MAF: variants seen among roughly 807,000 people sequenced by gnomAD.
MAF encodes transcription factor Maf.
Under a neutral mutation model 22.0 loss-of-function variants are expected in MAF, and 10 were observed. The observed-to-expected ratio is 0.45, with a 90% confidence interval of 0.28 to 0.77. The LOEUF is 0.77. Ranked by LOEUF, MAF falls within the 30% of genes least tolerant of loss-of-function variation. The pLI is 0.12. For missense variants in MAF, 544 were observed against 548.4 expected (o/e 0.99, Z 0.08); for synonymous variants, 337 against 255.8 (o/e 1.32, Z -3.03).
chr16:79,372,709 G>C, the MAF span, among the ~76,000 whole-genome samples: 2 of 152,184 alleles, frequency 1.3e-5, no homozygotes, highest in Non-Finnish European at 2.9e-5. Flanking sequence ...CTCAGGAGCT[G>C]TGATTCACTC....
At chr16:79,212,216 C>G in the MAF span, 2 of 1,418,914 alleles carry the variant, frequency 1.4e-6, no homozygotes, top group Non-Finnish European at 1.8e-6. Flanking sequence ...GAAGAAAAAG[C>G]AAGTGTTCAC....
the MAF span, among the ~76,000 whole-genome samples, chr16:79,555,338 T>A: frequency 6.6e-6 from 1 of 152,208 alleles, no homozygotes; most frequent in African/African-American, 2.4e-5. Flanking sequence ...GACTTTACAG[T>A]TTGAAGTGTC....
the MAF span, among the ~76,000 whole-genome samples, chr16:79,243,295 GT>G: frequency 8.3e-4 from 125 of 151,322 alleles, no homozygotes; most frequent in African/African-American, 2.8e-3. Flanking sequence ...TTTTATTTTT[GT>G]TTTTTAAAAC....
chr16:79,264,022 G>A, the MAF span, among the ~76,000 whole-genome samples: 4 of 152,282 alleles, frequency 2.6e-5, no homozygotes, highest in Middle Eastern at 3.4e-3. Context: ...ACAACCAGTA[G>A]TCAAAGCAGA....
chr16:79,385,111 T>C, the MAF span, among the ~76,000 whole-genome samples: 1 of 152,220 alleles, frequency 6.6e-6, no homozygotes, highest in Non-Finnish European at 1.5e-5. Flanking sequence ...TGGATTTTTT[T>C]CAATATCTTT....
At chr16:79,587,744 A>G (rs921194451) in intron 1 of MAF, among the ~76,000 whole-genome samples, 10 of 152,112 alleles carry the variant, frequency 6.6e-5, no homozygotes, top group South Asian at 2.1e-4. Context: ...GATATTTGGC[A>G]TCTTGCCTGA....
At chr16:79,450,730 T>C in the MAF span, among the ~76,000 whole-genome samples, 2 of 151,700 alleles carry the variant, frequency 1.3e-5, no homozygotes, top group South Asian at 4.1e-4. Flanking sequence ...GAGATGGAGA[T>C]GGAGAGTAAT....
chr16:79,506,128 A>C, the MAF span, among the ~76,000 whole-genome samples: 8 of 152,224 alleles, frequency 5.3e-5, no homozygotes, highest in African/African-American at 1.9e-4. Context: ...ATATGCAATA[A>C]GAAAGAGATT....
At chr16:79,537,806 G>A in the MAF span, among the ~76,000 whole-genome samples, 6 of 152,174 alleles carry the variant, frequency 3.9e-5, no homozygotes, top group Non-Finnish European at 8.8e-5. Flanking sequence ...CAGATAGAAT[G>A]TGAAACCTCT....
At chr16:79,514,576 T>G in the MAF span, among the ~76,000 whole-genome samples, 1 of 152,220 alleles carries the variant, frequency 6.6e-6, no homozygotes, top group Non-Finnish European at 1.5e-5. Context: ...ACCACCAGTT[T>G]CTTCCAGCAG....
chr16:79,590,190 C>G (rs577330280), downstream of MAF, among the ~76,000 whole-genome samples: 1 of 151,950 alleles, frequency 6.6e-6, no homozygotes, highest in African/African-American at 2.4e-5. Flanking sequence ...GTGTTCCTGT[C>G]CCGGGCCAGG....
At chr16:79,546,310 CA>C in the MAF span, among the ~76,000 whole-genome samples, 1 of 148,052 alleles carries the variant, frequency 6.8e-6, no homozygotes, top group South Asian at 2.1e-4. Context: ...TTTTTTTTTT[CA>C]GAGTGGGATA....
At chr16:79,583,854 C>G (rs573787647), downstream of MAF, among the ~76,000 whole-genome samples, 5 of 152,290 alleles carry the variant, frequency 3.3e-5, no homozygotes, top group South Asian at 2.1e-4. Context: ...GGGTGAAAGG[C>G]ATACAAGGAG....
chr16:79,277,235 T>C, the MAF span, among the ~76,000 whole-genome samples: 81,834 of 152,024 alleles, frequency 0.54, 24,790 homozygotes, highest in Admixed American at 0.67. Flanking sequence ...CATCTTAACC[T>C]GATTACATCT....
the MAF span, among the ~76,000 whole-genome samples, chr16:79,573,940 C>G: frequency 6.6e-6 from 1 of 152,198 alleles, no homozygotes. Flanking sequence ...AGGCTCTTAT[C>G]TCCCGTTCGT....
chr16:79,254,962 C>T, the MAF span, among the ~76,000 whole-genome samples: 1 of 152,314 alleles, frequency 6.6e-6, no homozygotes, highest in East Asian at 1.9e-4. Context: ...TCAACGTATT[C>T]ATGAGTGTGT....
chr16:79,317,755 C>T, the MAF span, among the ~76,000 whole-genome samples: 15 of 152,324 alleles, frequency 9.8e-5, no homozygotes, highest in Non-Finnish European at 1.8e-4. Flanking sequence ...TGCCGATTTG[C>T]TCTGGGCTCC....
the MAF span, among the ~76,000 whole-genome samples, chr16:79,546,194 C>T: frequency 3.9e-5 from 6 of 152,174 alleles, no homozygotes; most frequent in East Asian, 1.2e-3. Context: ...AAAGTTCTAT[C>T]ATTGTGAGAA....
At chr16:79,575,009 A>G in the MAF span, among the ~76,000 whole-genome samples, 1 of 147,056 alleles carries the variant, frequency 6.8e-6, no homozygotes, top group African/African-American at 2.5e-5. Context: ...ATTGTACATC[A>G]GAATCACTGG....
Sources: allele counts gnomAD v4.1 joint callset (sites outside exome capture counted in the v4.1 genomes callset), GRCh38; gene constraint gnomAD v4.1.1; transcripts MANE v1.5; gene names NCBI Gene and HGNC (gene_info 2026-07-23, HGNC 2026-07-21).